The following TMEM184B variants were observed in gnomAD, a reference collection of about 807,000 sequenced individuals.
The protein encoded by TMEM184B is putative MAPK-activating protein FM08.
TMEM184B carries 17 observed loss-of-function variants against 41.8 expected under a neutral mutation model. The ratio of observed to expected loss-of-function variants is 0.41; its 90% CI spans 0.28 to 0.61. TMEM184B has a LOEUF of 0.61. Ranked by LOEUF, TMEM184B falls within the 20% of genes least tolerant of loss-of-function variation. The pLI, the probability that TMEM184B is intolerant of heterozygous loss-of-function variation, is 0.34. For missense variants in TMEM184B, 393 were observed against 557.8 expected (o/e 0.70, Z 2.98); for synonymous variants, 240 against 229.5 (o/e 1.05, Z -0.41).
chr22:38,242,528 G>A (rs1164873607), intron 3 of TMEM184B, among the ~76,000 whole-genome samples: 3 of 152,200 alleles, frequency 2.0e-5, no homozygotes, highest in Non-Finnish European at 2.9e-5. Flanking sequence ...CTCTGAGCAG[G>A]TCCTCAGGAA....
At chr22:38,260,608 C>T (rs553668060) in intron 1 of TMEM184B, among the ~76,000 whole-genome samples, 1 of 152,222 alleles carries the variant, frequency 6.6e-6, no homozygotes, top group East Asian at 1.9e-4. Context: ...CTTGCCTTAG[C>T]TTCCTCATCT....
intron 3 of TMEM184B, among the ~76,000 whole-genome samples, chr22:38,242,558 A>G (rs1183202608): frequency 6.6e-6 from 1 of 152,154 alleles, no homozygotes; most frequent in African/African-American, 2.4e-5. Flanking sequence ...GGATCTGCAG[A>G]GTTCTCCAGC....
At chr22:38,263,091 T>C (rs775094175) in intron 1 of TMEM184B, among the ~76,000 whole-genome samples, 1 of 152,064 alleles carries the variant, frequency 6.6e-6, no homozygotes, top group African/African-American at 2.4e-5. Flanking sequence ...TTAGTGGAGA[T>C]GGGGTTTCAT....
At chr22:38,227,611 G>C (rs1045546740) in intron 5 of TMEM184B, among the ~76,000 whole-genome samples, 1 of 152,182 alleles carries the variant, frequency 6.6e-6, no homozygotes, top group Non-Finnish European at 1.5e-5. Context: ...CAGGAGCCCA[G>C]AGCACGTGGA....
At chr22:38,265,797 T>C (rs772498438) in intron 1 of TMEM184B, among the ~76,000 whole-genome samples, 1 of 152,206 alleles carries the variant, frequency 6.6e-6, no homozygotes, top group Non-Finnish European at 1.5e-5. Context: ...TCACTCTGCA[T>C]GAAACAAAAA....
intron 1 of TMEM184B, among the ~76,000 whole-genome samples, chr22:38,264,797 C>G (rs2092421035): frequency 6.6e-6 from 1 of 152,164 alleles, no homozygotes. Context: ...GTCTTCTGCC[C>G]CCGGCCGAGT....
intron 1 of TMEM184B, among the ~76,000 whole-genome samples, chr22:38,253,067 G>A (rs1221065895): frequency 1.3e-5 from 2 of 152,096 alleles, no homozygotes; most frequent in Non-Finnish European, 2.9e-5. Context: ...GCGTGAACCC[G>A]GGAGGCAGAG....
intron 3 of TMEM184B, among the ~76,000 whole-genome samples, chr22:38,243,271 G>A (rs2091954348): frequency 6.6e-6 from 1 of 152,200 alleles, no homozygotes; most frequent in South Asian, 2.1e-4. Context: ...CTGGAGTGAG[G>A]GGTGCCCGCC....
downstream of TMEM184B, among the ~76,000 whole-genome samples, chr22:38,218,938 C>T (rs139441442): frequency 3.9e-5 from 6 of 152,258 alleles, no homozygotes; most frequent in East Asian, 1.9e-4. Context: ...GTCCCAGAGA[C>T]GCAGGAAGCT....
chr22:38,237,160 G>A (rs1326127463), intron 3 of TMEM184B, among the ~76,000 whole-genome samples: 1 of 152,110 alleles, frequency 6.6e-6, no homozygotes, highest in African/African-American at 2.4e-5. Flanking sequence ...GGCTCTACAT[G>A]TTCACATCCC....
intron 1 of TMEM184B, 30 bp downstream of exon 1, chr22:38,272,854 C>G (rs1231396231): frequency 3.1e-6 from 3 of 964,610 alleles, no homozygotes; most frequent in Middle Eastern, 1.1e-3. Context: ...CCCCTTGGGG[C>G]TCCCGGGCGA....
chr22:38,264,607 T>G (rs2092418444), intron 1 of TMEM184B, among the ~76,000 whole-genome samples: 1 of 152,168 alleles, frequency 6.6e-6, no homozygotes, highest in African/African-American at 2.4e-5. Context: ...GTAACTCCTG[T>G]GCCCAACAGC....
intron 3 of TMEM184B, among the ~76,000 whole-genome samples, chr22:38,235,831 T>G (rs1356430882): frequency 1.3e-5 from 2 of 152,204 alleles, no homozygotes. Context: ...CGTGCGTGGA[T>G]GTAAGAAGAG....
At chr22:38,233,380 G>A (rs929259684) in intron 3 of TMEM184B, among the ~76,000 whole-genome samples, 2 of 152,184 alleles carry the variant, frequency 1.3e-5, no homozygotes, top group Non-Finnish European at 2.9e-5. Context: ...AACTTGGCAG[G>A]TGGCTGTGAG....
Position 38,220,157 on chromosome 22 carries a change from GGAGCTAGTAT to G in TMEM184B, c.*1302_*1311del. ...GTGACACGAGGCTCTTCCTAAGTCAGGAGCTAGTATAAGCCCAGCCTGCTGGGGGTTCCGG... is the reference window on the plus strand; with the variant it reads ...GTGACACGAGGCTCTTCCTAAGTCAGAAGCCCAGCCTGCTGGGGGTTCCGG... On this transcript the variant is annotated 3_prime_UTR_variant, in exon 9 of 9. Transcript: ENST00000361906. 1 of 985,518 alleles carries G rather than the reference GGAGCTAGTAT, an allele frequency of 1.0e-6. No individual in the cohort carries two copies. 61.0% of individuals were successfully genotyped at this position (985,518 alleles called of 1,614,324 possible).
intron 8 of TMEM184B, chr22:38,223,980 A>T (rs2091343499): frequency 6.6e-6 from 1 of 152,278 alleles, no homozygotes; most frequent in African/African-American, 2.4e-5. Flanking sequence ...CACTTCCAAA[A>T]GCTCTCCAGG....
chr22:38,259,121 C>T (rs560423753), intron 1 of TMEM184B, among the ~76,000 whole-genome samples: 60 of 152,240 alleles, frequency 3.9e-4, no homozygotes, highest in African/African-American at 1.3e-3. Flanking sequence ...AGATAAGCTA[C>T]GCAGCTATGT....
chr22:38,257,683 T>C (rs9610927), intron 1 of TMEM184B, among the ~76,000 whole-genome samples: 43,174 of 152,090 alleles, frequency 0.28, 6,551 homozygotes, highest in Admixed American at 0.37. Context: ...GTTTTTGGTG[T>C]AGGTTTTATT....
chr22:38,255,875 G>A lies in TMEM184B; in HGVS notation c.-58-7856C>T, dbSNP rs150440162. 3.3e-3 allele frequency among the ~76,000 whole-genome samples: 502 copies of A among 152,330 alleles called. 4 individuals carry two copies. The highest frequency in any genetic ancestry group is 5.7e-3 in the African/African-American group (238 of 41,560). ...GTAGTAGTTGGCAGAGGACAGTGAC[G>A]ATGATGGGTGGGGGTGTGTAATTTT... On this transcript the variant is annotated intron_variant, in intron 1 of 8. Coordinates refer to ENST00000361906, the MANE Select transcript of TMEM184B (RefSeq NM_012264.5).
Sources: gnomAD v4.1 joint callset for allele counts (sites outside exome capture counted in the v4.1 genomes callset) on GRCh38, gnomAD v4.1.1 for gene constraint, MANE v1.5 for transcripts, NCBI Gene and HGNC (gene_info 2026-07-23, HGNC 2026-07-21) for gene names.